CDYL: variants seen among roughly 807,000 people sequenced by gnomAD.
CDYL encodes chromodomain Y-like protein.
A neutral mutation model predicts 47.3 loss-of-function variants in CDYL; 8 were observed. That is an observed-to-expected ratio of 0.17 (90% CI 0.10 to 0.31). CDYL has a LOEUF of 0.31. Ranked by LOEUF, CDYL falls within the 10% of genes least tolerant of loss-of-function variation. The pLI, the probability that CDYL is intolerant of heterozygous loss-of-function variation, is 1.00. For missense variants in CDYL, 471 were observed against 701.4 expected, an observed-to-expected ratio of 0.67 and a Z score of 3.71; for synonymous variants, 266 against 265.0, an observed-to-expected ratio of 1.00 and a Z score of -0.04.
intron 6 of CDYL, among the ~76,000 whole-genome samples, chr6:4,952,733 TCC>T (rs71530358): frequency 6.6e-6 from 1 of 152,130 alleles, no homozygotes; most frequent in Admixed American, 6.5e-5. Flanking sequence ...TATTAGCTTC[TCC>T]CCTGTTTCCC....
intron 2 of CDYL, among the ~76,000 whole-genome samples, chr6:4,894,349 CT>C (rs2127486530): frequency 6.6e-6 from 1 of 152,258 alleles, no homozygotes; most frequent in Non-Finnish European, 1.5e-5. Context: ...GACTGTAGTG[CT>C]ACCAAAAAGG....
intron 2 of CDYL, among the ~76,000 whole-genome samples, chr6:4,725,611 G>T (rs1303836622): frequency 3.9e-5 from 6 of 152,216 alleles, no homozygotes; most frequent in Non-Finnish European, 8.8e-5. Context: ...GGACCTGCCC[G>T]CCGAGCCCAC....
At chr6:4,744,536 A>T (rs1374675213) in intron 3 of CDYL, among the ~76,000 whole-genome samples, 2 of 152,114 alleles carry the variant, frequency 1.3e-5, no homozygotes, top group South Asian at 4.1e-4. Context: ...AGAGAAAGAG[A>T]GTGCATGTTG....
chr6:4,733,235 C>G (rs78727712), intron 2 of CDYL: 1 of 152,336 alleles, frequency 6.6e-6, no homozygotes, highest in Non-Finnish European at 1.5e-5. Flanking sequence ...TGACTCTTCA[C>G]TGAAACCCCC....
intron 2 of CDYL, chr6:4,724,805 G>A (rs751060434): frequency 5.3e-5 from 8 of 152,160 alleles, no homozygotes; most frequent in African/African-American, 1.4e-4. Context: ...TGGACTCAAA[G>A]AATTAGCAGC....
At chr6:4,735,314 G>A (rs1220587949) in intron 3 of CDYL, among the ~76,000 whole-genome samples, 1 of 151,570 alleles carries the variant, frequency 6.6e-6, no homozygotes, top group Non-Finnish European at 1.5e-5. Context: ...AAAAAAGGAC[G>A]TTTTTAAGTT....
chr6:4,911,912 T>C (rs144078562), intron 2 of CDYL, among the ~76,000 whole-genome samples: 4 of 152,336 alleles, frequency 2.6e-5, no homozygotes, highest in African/African-American at 9.6e-5. Flanking sequence ...GTGTAGGCAC[T>C]GAAACAACGC....
At chr6:4,860,512 A>T (rs1209355859) in intron 1 of CDYL, among the ~76,000 whole-genome samples, 12 of 147,692 alleles carry the variant, frequency 8.1e-5, no homozygotes, top group African/African-American at 2.7e-4. Flanking sequence ...TATATATAAA[A>T]AATATATATA....
chr6:4,797,146 T>C (rs1312246617), intron 1 of CDYL, among the ~76,000 whole-genome samples: 2 of 152,016 alleles, frequency 1.3e-5, no homozygotes, highest in Non-Finnish European at 2.9e-5. Flanking sequence ...TTCTTTTCAG[T>C]GTACCAAAAA....
chr6:4,828,704 T>G (rs1760051320), intron 1 of CDYL, among the ~76,000 whole-genome samples: 2 of 152,184 alleles, frequency 1.3e-5, no homozygotes, highest in African/African-American at 4.8e-5. Context: ...AGATAATCAC[T>G]TTGTCCCTTT....
At chr6:4,846,956 A>G (rs1213235519) in intron 1 of CDYL, among the ~76,000 whole-genome samples, 2 of 152,164 alleles carry the variant, frequency 1.3e-5, no homozygotes, top group Non-Finnish European at 2.9e-5. Flanking sequence ...GTAGCCCCCT[A>G]TTAGGTTTCT....
At chr6:4,731,369 T>C (rs1249877414) in intron 2 of CDYL, among the ~76,000 whole-genome samples, 1 of 152,226 alleles carries the variant, frequency 6.6e-6, no homozygotes, top group Non-Finnish European at 1.5e-5. Context: ...ACTACCTAAA[T>C]AGCCAGCATG....
intron 2 of CDYL, among the ~76,000 whole-genome samples, chr6:4,906,819 C>T (rs1757251627): frequency 7.0e-6 from 1 of 143,758 alleles, no homozygotes; most frequent in African/African-American, 3.0e-5. Context: ...AAGGAGGTTG[C>T]CCTAGTAAAA....
chr6:4,934,129 TGGA>T (rs1296050965), intron 2 of CDYL, among the ~76,000 whole-genome samples: 2 of 152,102 alleles, frequency 1.3e-5, no homozygotes, highest in Non-Finnish European at 2.9e-5. Context: ...GCCAGGGTGG[TGGA>T]GAAGTCTGTA....
Position 4,747,728 on chromosome 6 carries a change from C to T in CDYL, c.186+12884C>T, listed in dbSNP as rs181834314. Reference sequence around the variant, plus strand: ...GAACTGTTTCTCACCAGTGCAAGGCCCTTGAGTCAGAAACACCTGGCAGTG... The same window carrying T: ...GAACTGTTTCTCACCAGTGCAAGGCTCTTGAGTCAGAAACACCTGGCAGTG... On this transcript the variant is annotated intron_variant, in intron 3 of 8. Transcript: ENST00000328908. Among the ~76,000 whole-genome samples the T allele has an allele frequency of 2.6e-5, 4 of 152,236 alleles. No individual in the cohort carries two copies. In the East Asian group the frequency reaches 5.8e-4, roughly 22 times the overall value.
chr6:4,763,724 C>G (rs748012165), intron 3 of CDYL, among the ~76,000 whole-genome samples: 1 of 152,222 alleles, frequency 6.6e-6, no homozygotes, highest in Non-Finnish European at 1.5e-5. Flanking sequence ...GGGCGGATCA[C>G]TTGAGATCAG....
intron 1 of CDYL, among the ~76,000 whole-genome samples, chr6:4,796,308 G>C (rs1311092101): frequency 6.6e-6 from 1 of 152,130 alleles, no homozygotes; most frequent in African/African-American, 2.4e-5. Context: ...ACCAAAAAAT[G>C]ATTTTAGTTT....
In CDYL at chr6:4,894,834, CGTGTGTGT is replaced by C. The variant is rs71540834; in HGVS notation, c.691+2470_691+2477del. 1.1e-4 allele frequency among the ~76,000 whole-genome samples: 16 copies of C among 145,348 alleles called. No homozygotes were observed. In the East Asian group the frequency reaches 1.4e-3, roughly 13 times the overall value. ...AGCCCCCTTTTTTGTCCACAAAAGT[CGTGTGTGT>C]GTGTGTGTGTGTGTATATGTGTATA... On this transcript the variant is annotated intron_variant, in intron 2 of 6. Coordinates refer to ENST00000397588, the MANE Select transcript of CDYL (RefSeq NM_004824.4).
At chr6:4,815,974 T>TG (rs1473257467) in intron 1 of CDYL, among the ~76,000 whole-genome samples, 38 of 148,074 alleles carry the variant, frequency 2.6e-4, no homozygotes, top group Non-Finnish European at 4.3e-4. Flanking sequence ...TTTTATAGGT[T>TG]TTTTTTTTTT....
Sources: allele counts gnomAD v4.1 joint callset (sites outside exome capture counted in the v4.1 genomes callset), GRCh38; gene constraint gnomAD v4.1.1; transcripts MANE v1.5; gene names NCBI Gene and HGNC (gene_info 2026-07-23, HGNC 2026-07-21).